PTBP2: variants seen among roughly 807,000 people sequenced by gnomAD.
The protein encoded by PTBP2 is polypyrimidine tract-binding protein 2.
Under a neutral mutation model 61.4 loss-of-function variants are expected in PTBP2, and 13 were observed. The observed-to-expected ratio is 0.21, with a 90% confidence interval of 0.14 to 0.34. PTBP2 has a LOEUF of 0.34. PTBP2 is among the 10% of genes least tolerant of loss of function. PTBP2 has a pLI of 1.00. For missense variants in PTBP2, 405 were observed against 642.6 expected, an observed-to-expected ratio of 0.63 and a Z score of 4.00; for synonymous variants, 215 against 218.5, an observed-to-expected ratio of 0.98 and a Z score of 0.14.
chr1:96,752,359 A>T (rs1654656745), intron 3 of PTBP2, among the ~76,000 whole-genome samples: 1 of 152,142 alleles, frequency 6.6e-6, no homozygotes, highest in Admixed American at 6.6e-5. Context: ...CAATAAAAGG[A>T]TCATGAAAGA....
At chr1:96,790,730 G>C (rs17115748) in intron 8 of PTBP2, among the ~76,000 whole-genome samples, 6,431 of 152,162 alleles carry the variant, frequency 0.042, 438 homozygotes, top group African/African-American at 0.14. Context: ...CCCACTGTCT[G>C]CTTTAAACTT....
Position 96,792,774 on chromosome 1 carries a change from GACAA to G in PTBP2, c.904+7525_904+7528del, listed in dbSNP as rs369288574. On this transcript the variant is annotated intron_variant, in intron 8 of 13. Transcript: ENST00000674951. ...ATTGAACTTATATTTTTATCTTTTT[GACAA>G]ACAACACGTTAAAATTTATGTCAAT... 1.3e-3 allele frequency among the ~76,000 whole-genome samples: 194 copies of G among 151,914 alleles called. No homozygotes were observed. The Middle Eastern group carries it at 0.014, about 11-fold the overall frequency.
intron 3 of PTBP2, among the ~76,000 whole-genome samples, chr1:96,755,438 C>G (rs1655044847): frequency 6.6e-6 from 1 of 152,150 alleles, no homozygotes; most frequent in Admixed American, 6.5e-5. Context: ...GGAAAACAAT[C>G]TGGTAGTTTC....
chr1:96,789,381 G>A (rs182246257), intron 8 of PTBP2, among the ~76,000 whole-genome samples: 14 of 152,118 alleles, frequency 9.2e-5, no homozygotes, highest in Non-Finnish European at 1.2e-4. Flanking sequence ...TTTGCTGCAC[G>A]TTGAAGTCAC....
At chr1:96,748,639 T>C (rs1023589300) in intron 2 of PTBP2, among the ~76,000 whole-genome samples, 16 of 152,212 alleles carry the variant, frequency 1.1e-4, no homozygotes, top group South Asian at 2.1e-4. Flanking sequence ...AAAATTGATA[T>C]CATTCTTAGA....
rs193109791 is a variant in PTBP2 at position 96,723,680 on chromosome 1, A to G, written c.39+86A>G. On this transcript the variant is annotated intron_variant, in intron 2 of 13. Coordinates refer to ENST00000674951, the MANE Select transcript of PTBP2 (RefSeq NM_021190.4). Reference sequence around the variant, plus strand: ...ATTTTAGCTTTTGCTTTTGAAAACTATAACGTAGCTAACAAAACCCAAGTG... The same window carrying G: ...ATTTTAGCTTTTGCTTTTGAAAACTGTAACGTAGCTAACAAAACCCAAGTG... The G allele has an allele frequency of 2.1e-4, 262 of 1,228,364 alleles. 2 individuals carry two copies. The East Asian group carries it at 5.0e-3, about 23-fold the overall frequency. 76.1% of individuals were successfully genotyped at this position (1,228,364 alleles called of 1,614,324 possible). A position where few individuals can be genotyped will look rare whatever the true frequency, so the allele number is the denominator to read the frequency against.
intron 3 of PTBP2, among the ~76,000 whole-genome samples, chr1:96,755,760 T>A (rs1358023663): frequency 6.6e-6 from 1 of 152,194 alleles, no homozygotes; most frequent in Non-Finnish European, 1.5e-5. Context: ...TGATTCCATT[T>A]ATATAAAACT....
intron 7 of PTBP2, among the ~76,000 whole-genome samples, chr1:96,784,273 G>C (rs1658988456): frequency 6.6e-6 from 1 of 151,756 alleles, no homozygotes; most frequent in Non-Finnish European, 1.5e-5. Context: ...TTTCACATAT[G>C]TTGTCTTTAA....
chr1:96,757,409 A>G (rs1328669708), intron 3 of PTBP2, among the ~76,000 whole-genome samples: 2 of 152,232 alleles, frequency 1.3e-5, no homozygotes, highest in Non-Finnish European at 1.5e-5. Flanking sequence ...AACATTTCTT[A>G]ATTTGTATGC....
chr1:96,727,685 A>T (rs1650773382), intron 2 of PTBP2, among the ~76,000 whole-genome samples: 1 of 152,032 alleles, frequency 6.6e-6, no homozygotes, highest in Non-Finnish European at 1.5e-5. Flanking sequence ...GTCAGCTGTT[A>T]TCTTTGGTGA....
intron 8 of PTBP2, among the ~76,000 whole-genome samples, chr1:96,791,826 C>CTTTTTTTTGTTTTTTTTTTTTTT (rs1482989030): frequency 4.5e-5 from 3 of 66,128 alleles, no homozygotes; most frequent in South Asian, 5.7e-4. Flanking sequence ...TGGAGTTGTG[C>CTTTTTTTTGTTTTTTTTTTTTTT]TTTTTTTTTT....
At chr1:96,761,345 G>GTGT (rs1557720471) in intron 3 of PTBP2, among the ~76,000 whole-genome samples, 1 of 80,854 alleles carries the variant, frequency 1.2e-5, no homozygotes, top group Non-Finnish European at 2.7e-5. Flanking sequence ...TGTGGGATTT[G>GTGT]ATGTGTGTGT....
At position 96,740,739 on chromosome 1, in the gene PTBP2, GTATT is replaced by G. The variant is rs1186726091; in HGVS notation, c.40-10685_40-10682del. Among the ~76,000 whole-genome samples, 13 of 151,962 alleles carry G rather than the reference GTATT, an allele frequency of 8.6e-5. No homozygotes were observed. The South Asian group carries it at 2.1e-3, about 24-fold the overall frequency. ...CTATAGATGTACTATCATGCTGTAT[GTATT>G]CTGTAATTTGCTTTTCTTGTTCAGT... is the stretch of plus-strand genomic sequence containing the variant. On this transcript the variant is annotated intron_variant, in intron 2 of 13. Coordinates refer to ENST00000674951, the MANE Select transcript of PTBP2 (RefSeq NM_021190.4).
intron 2 of PTBP2, among the ~76,000 whole-genome samples, chr1:96,748,008 C>G (rs1357828672): frequency 6.6e-6 from 1 of 151,728 alleles, no homozygotes; most frequent in East Asian, 1.9e-4. Context: ...AGGTGGTATT[C>G]AGTCCACTTC....
Position 96,760,629 on chromosome 1 carries a change from T to C in PTBP2, c.116-9074T>C, listed in dbSNP as rs1000264236. Reference sequence around the variant, plus strand: ...CCCGGCTAATTTTTTGTATTTTTAGTAGAGACTGGGTTTCGCCATGTTGGC... The same window carrying C: ...CCCGGCTAATTTTTTGTATTTTTAGCAGAGACTGGGTTTCGCCATGTTGGC... On this transcript the variant is annotated intron_variant, in intron 3 of 13. Coordinates refer to ENST00000674951, the MANE Select transcript of PTBP2 (RefSeq NM_021190.4). Among the ~76,000 whole-genome samples the C allele has an allele frequency of 5.9e-5, 9 of 152,102 alleles. No individual in the cohort carries two copies. The East Asian group carries it at 1.7e-3, about 29-fold the overall frequency.
chr1:96,820,514 A>G (rs1662651059), exon 14 of PTBP2: 1 of 151,288 alleles, frequency 6.6e-6, no homozygotes, highest in Non-Finnish European at 1.5e-5. Context: ...TAAGAAATAT[A>G]TATATGGTGT....
intron 8 of PTBP2, among the ~76,000 whole-genome samples, chr1:96,798,101 G>A (rs1008332779): frequency 6.6e-5 from 10 of 151,332 alleles, no homozygotes; most frequent in African/African-American, 1.9e-4. Flanking sequence ...AAAATTAGAA[G>A]GGGCTGTCAG....
At chr1:96,734,242 C>T (rs1167043637) in intron 2 of PTBP2, among the ~76,000 whole-genome samples, 6 of 152,132 alleles carry the variant, frequency 3.9e-5, no homozygotes, top group Non-Finnish European at 8.8e-5. Flanking sequence ...CCACACTCTG[C>T]TTTTCCACTT....
chr1:96,729,580 AACTAC>A (rs1317296901), intron 2 of PTBP2, among the ~76,000 whole-genome samples: 2 of 152,138 alleles, frequency 1.3e-5, no homozygotes, highest in East Asian at 3.9e-4. Context: ...GGAGGTTTTA[AACTAC>A]ATATTCAACT....
Sources: gnomAD v4.1 joint callset for allele counts (sites outside exome capture counted in the v4.1 genomes callset) on GRCh38, gnomAD v4.1.1 for gene constraint, MANE v1.5 for transcripts, NCBI Gene and HGNC (gene_info 2026-07-23, HGNC 2026-07-21) for gene names.